NINL: variants seen among roughly 807,000 people sequenced by gnomAD.
NINL encodes ninein-like protein.
In NINL, 153 loss-of-function variants were observed where a neutral mutation model predicts 160.3. The observed-to-expected ratio is 0.95, with a 90% CI of 0.84 to 1.09. The LOEUF (loss-of-function observed/expected upper bound fraction) is 1.09, where lower values mean the gene tolerates loss of function less well. Ranked by LOEUF, NINL falls within the 50% of genes least tolerant of loss-of-function variation. The pLI is 0.00. For synonymous variants in NINL, 800 were observed against 734.8 expected (o/e 1.09, Z -1.43); for missense variants, 1,829 against 1,764.0 (o/e 1.04, Z -0.66).
At chr20:25,488,097 C>T (rs1371005174) in intron 13 of NINL, among the ~76,000 whole-genome samples, 1 of 152,228 alleles carries the variant, frequency 6.6e-6, no homozygotes, top group Admixed American at 6.5e-5. Flanking sequence ...ATCAATCACT[C>T]TGTGTCATAC....
chr20:25,578,354 C>T (rs1207462304), intron 1 of NINL, among the ~76,000 whole-genome samples: 4 of 151,960 alleles, frequency 2.6e-5, no homozygotes, highest in Admixed American at 6.6e-5. Context: ...GTGATCTGCC[C>T]GCCTCAATCT....
chr20:25,467,778 T>C (rs2062955466), intron 18 of NINL, among the ~76,000 whole-genome samples: 1 of 152,142 alleles, frequency 6.6e-6, no homozygotes, highest in Admixed American at 6.5e-5. Flanking sequence ...CTCAATCAAA[T>C]ACATGAATAT....
At chr20:25,551,357 C>T (rs1341052163) in intron 1 of NINL, among the ~76,000 whole-genome samples, 3 of 150,602 alleles carry the variant, frequency 2.0e-5, no homozygotes, top group African/African-American at 2.5e-5. Flanking sequence ...GCAACAAGGG[C>T]GAGACTCCGT....
At chr20:25,543,861 G>A (rs6107051) in intron 1 of NINL, among the ~76,000 whole-genome samples, 12,113 of 151,200 alleles carry the variant, frequency 0.08, 717 homozygotes, top group South Asian at 0.19. Flanking sequence ...ACCTCTAGCC[G>A]GAGGTTTCTG....
chr20:25,564,148 CTTTTTTCT>C (rs1690530495), intron 1 of NINL, among the ~76,000 whole-genome samples: 1 of 137,692 alleles, frequency 7.3e-6, no homozygotes, highest in Admixed American at 7.3e-5. Context: ...TTTTTTTTTT[CTTTTTTCT>C]TTTTTTTTTT....
chr20:25,462,611 C>T, intron 19 of NINL, 70 bp from the exon 20 acceptor site: 1 of 1,286,220 alleles, frequency 7.8e-7, no homozygotes. Flanking sequence ...ATACATTTGC[C>T]CATCATTGGC....
chr20:25,557,159 G>T (rs1347223228), intron 1 of NINL, among the ~76,000 whole-genome samples: 1 of 152,202 alleles, frequency 6.6e-6, no homozygotes, highest in Non-Finnish European at 1.5e-5. Context: ...CATTATTTTT[G>T]AAAAGTAAGT....
chr20:25,525,618 C>T (rs1436724168), intron 2 of NINL, among the ~76,000 whole-genome samples: 1 of 152,146 alleles, frequency 6.6e-6, no homozygotes, highest in East Asian at 1.9e-4. Flanking sequence ...GGCTCCACTA[C>T]ACTCCAGCCT....
At chr20:25,525,450 G>A (rs923421930) in intron 2 of NINL, among the ~76,000 whole-genome samples, 1 of 152,098 alleles carries the variant, frequency 6.6e-6, no homozygotes, top group Non-Finnish European at 1.5e-5. Flanking sequence ...TCAGGCATTC[G>A]AGACCAGCCT....
chr20:25,463,382 C>A (rs554825636), intron 19 of NINL, among the ~76,000 whole-genome samples: 191 of 152,314 alleles, frequency 1.3e-3, no homozygotes, highest in Admixed American at 2.4e-3. Context: ...CTCCTCTGAT[C>A]TCAGTCATTG....
chr20:25,554,636 C>CAAAAAAA (rs747557892), intron 1 of NINL, among the ~76,000 whole-genome samples: 1 of 85,800 alleles, frequency 1.2e-5, no homozygotes, highest in Non-Finnish European at 2.1e-5. Context: ...AAAAAAAAAA[C>CAAAAAAA]AAAAAAAAAA....
chr20:25,480,579 A>C (rs1457532872), intron 14 of NINL, among the ~76,000 whole-genome samples: 2 of 152,162 alleles, frequency 1.3e-5, no homozygotes, highest in Non-Finnish European at 2.9e-5. Flanking sequence ...AGGGTCACGG[A>C]GGAAATGGAA....
chr20:25,567,114 A>G (rs1041026413), intron 1 of NINL, among the ~76,000 whole-genome samples: 46 of 152,300 alleles, frequency 3.0e-4, no homozygotes, highest in African/African-American at 8.9e-4. Context: ...TCAAAAAAAA[A>G]ATTTTCTTTT....
At chr20:25,552,951 G>A (rs187230212) in intron 1 of NINL, among the ~76,000 whole-genome samples, 1 of 152,312 alleles carries the variant, frequency 6.6e-6, no homozygotes, top group African/African-American at 2.4e-5. Context: ...GACACCCAGG[G>A]AAAGTGCTGG....
At chr20:25,472,349 A>ATG (rs1429033562) in intron 17 of NINL, among the ~76,000 whole-genome samples, 29 of 138,248 alleles carry the variant, frequency 2.1e-4, no homozygotes, top group Non-Finnish European at 3.1e-4. Flanking sequence ...ATATATATAT[A>ATG]TATATATATA....
At chr20:25,481,828 A>G (rs76753687) in intron 14 of NINL, 140 bp downstream of exon 14, 67,175 of 1,239,922 alleles carry the variant, frequency 0.054, 2,071 homozygotes, top group Non-Finnish European at 0.063. Context: ...CTCCTTGGAA[A>G]GTCCCTGCAG....
At chr20:25,503,854 T>C (rs1193512010) in intron 7 of NINL, 98 bp downstream of exon 7, 5 of 1,427,658 alleles carry the variant, frequency 3.5e-6, no homozygotes, top group Non-Finnish European at 3.9e-6. Context: ...GGACAGCTTG[T>C]TGTGTGGTGA....
At chr20:25,581,502 A>G (rs1179897551) in intron 1 of NINL, among the ~76,000 whole-genome samples, 1 of 152,164 alleles carries the variant, frequency 6.6e-6, no homozygotes, top group Non-Finnish European at 1.5e-5. Context: ...GTGCTCACAG[A>G]GCCCCGCTCA....
At chr20:25,559,667 C>G (rs1414524279) in intron 1 of NINL, among the ~76,000 whole-genome samples, 1 of 152,138 alleles carries the variant, frequency 6.6e-6, no homozygotes, top group Non-Finnish European at 1.5e-5. Flanking sequence ...ATGGCCCCAT[C>G]AGAGCTAATT....
Sources: gnomAD v4.1 joint callset for allele counts (sites outside exome capture counted in the v4.1 genomes callset) on GRCh38, gnomAD v4.1.1 for gene constraint, MANE v1.5 for transcripts, NCBI Gene and HGNC (gene_info 2026-07-23, HGNC 2026-07-21) for gene names.